The following B3GALT1 variants were observed in gnomAD, a reference collection of about 807,000 sequenced individuals.
The protein encoded by B3GALT1 is beta-1,3-galactosyltransferase 1, also known as UDP-Gal:betaGlcNAc beta 1,3-galactosyltransferase, polypeptide 1.
B3GALT1 carries 10 observed loss-of-function variants against 23.2 expected under a neutral mutation model. The observed-to-expected ratio is 0.43, with a 90% confidence interval of 0.27 to 0.73. The LOEUF is 0.73. B3GALT1 is among the 30% of genes least tolerant of loss of function. The pLI, the probability that B3GALT1 is intolerant of heterozygous loss-of-function variation, is 0.21. For missense variants in B3GALT1, 299 were observed against 405.4 expected (o/e 0.74, Z 2.25); for synonymous variants, 156 against 141.5 (o/e 1.10, Z -0.73).
At chr2:167,575,607 C>T (rs1684367841) in intron 2 of B3GALT1, among the ~76,000 whole-genome samples, 1 of 151,808 alleles carries the variant, frequency 6.6e-6, no homozygotes, top group Non-Finnish European at 1.5e-5. Context: ...TCAGCTCACA[C>T]ATCTCTATCT....
chr2:167,329,585 T>C (rs1257785872), intron 1 of B3GALT1, among the ~76,000 whole-genome samples: 1 of 152,230 alleles, frequency 6.6e-6, no homozygotes, highest in Admixed American at 6.5e-5. Flanking sequence ...ACTATTATTG[T>C]ACTGCAGTCT....
At chr2:167,410,339 A>G (rs1698371098) in intron 1 of B3GALT1, among the ~76,000 whole-genome samples, 1 of 152,050 alleles carries the variant, frequency 6.6e-6, no homozygotes, top group South Asian at 2.1e-4. Flanking sequence ...AAAATACAAA[A>G]AATGAGACAG....
intron 2 of B3GALT1, among the ~76,000 whole-genome samples, chr2:167,544,446 C>A (rs568793031): frequency 6.6e-6 from 1 of 152,018 alleles, no homozygotes; most frequent in Admixed American, 6.6e-5. Flanking sequence ...AGGTGTAGGC[C>A]GCCACGCGTG....
rs1689111488 is a variant in B3GALT1 at position 167,821,742 on chromosome 2, GTA to G, written c.-230+2951_-230+2952del. ...AAGCCACTGCACCCAGCCTAGGAAG[GTA>G]TTTTTTTTATCCTTGACACTGCTCA... is the stretch of plus-strand genomic sequence containing the variant. On this transcript the variant is annotated intron_variant, in intron 4 of 4. Coordinates refer to ENST00000392690, the MANE Select transcript of B3GALT1 (RefSeq NM_020981.4). Among the ~76,000 whole-genome samples, 4 of 140,034 alleles carry G rather than the reference GTA, an allele frequency of 2.9e-5. 1 individual carries two copies. The highest frequency in any genetic ancestry group is 6.2e-5 in the Non-Finnish European group (4 of 64,580). 91.9% of individuals were successfully genotyped at this position (140,034 alleles called of 152,430 possible). A position where few individuals can be genotyped will look rare whatever the true frequency, so the allele number is the denominator to read the frequency against.
At chr2:167,818,005 C>A (rs531517456) in intron 3 of B3GALT1, among the ~76,000 whole-genome samples, 2 of 152,036 alleles carry the variant, frequency 1.3e-5, no homozygotes, top group East Asian at 3.9e-4. Context: ...GTGAATGAAC[C>A]AAATGTCTTT....
At chr2:167,475,044 A>C (rs1699469727) in intron 1 of B3GALT1, among the ~76,000 whole-genome samples, 1 of 152,192 alleles carries the variant, frequency 6.6e-6, no homozygotes, top group Non-Finnish European at 1.5e-5. Flanking sequence ...TGTCATAAGA[A>C]AGTGCAGTAG....
At chr2:167,564,511 A>C (rs7574810) in intron 2 of B3GALT1, among the ~76,000 whole-genome samples, 75,850 of 151,996 alleles carry the variant, frequency 0.5, 21,852 homozygotes, top group East Asian at 0.99. Context: ...CCAAGGCAGG[A>C]CGCCGGGAGG....
At chr2:167,662,728 G>A (rs549972795) in intron 3 of B3GALT1, among the ~76,000 whole-genome samples, 2 of 151,466 alleles carry the variant, frequency 1.3e-5, no homozygotes, top group South Asian at 4.2e-4. Context: ...TGGTCTGTAG[G>A]GCCCCACCTC....
intron 1 of B3GALT1, among the ~76,000 whole-genome samples, chr2:167,345,493 A>T (rs1244098337): frequency 6.6e-6 from 1 of 152,166 alleles, no homozygotes; most frequent in Non-Finnish European, 1.5e-5. Flanking sequence ...TAAATTTGAC[A>T]AAATTAGTTT....
intron 3 of B3GALT1, among the ~76,000 whole-genome samples, chr2:167,737,715 G>A (rs919050506): frequency 1.8e-4 from 28 of 152,206 alleles, no homozygotes; most frequent in African/African-American, 6.5e-4. Context: ...AAGGTTCTTT[G>A]GCAATCTGTG....
At position 167,849,185 on chromosome 2, in the gene B3GALT1, C is replaced by T. The variant is rs1019925486; in HGVS notation, c.-229-19626C>T. ...GCAATCTACAAATTCAATAGAATCC[C>T]CATCAAAATACCACCATCATTCTTC... On this transcript the variant is annotated intron_variant, in intron 4 of 4. Coordinates refer to ENST00000392690, the MANE Select transcript of B3GALT1 (RefSeq NM_020981.4). 5.3e-5 allele frequency among the ~76,000 whole-genome samples: 8 copies of T among 152,050 alleles called. No individual in the cohort carries two copies. In the East Asian group the frequency reaches 1.3e-3, roughly 26 times the overall value.
chr2:167,387,815 C>T (rs967701164), intron 1 of B3GALT1, among the ~76,000 whole-genome samples: 1 of 152,100 alleles, frequency 6.6e-6, no homozygotes. Context: ...CCAGTCCTCC[C>T]ACAAAAGGCT....
chr2:167,741,215 C>T (rs544425034), intron 3 of B3GALT1, among the ~76,000 whole-genome samples: 41 of 152,244 alleles, frequency 2.7e-4, no homozygotes, highest in African/African-American at 8.9e-4. Flanking sequence ...CATTTGATGA[C>T]TTTGTTAGTC....
chr2:167,364,797 T>G (rs968140215), intron 1 of B3GALT1, among the ~76,000 whole-genome samples: 1 of 152,212 alleles, frequency 6.6e-6, no homozygotes, highest in Non-Finnish European at 1.5e-5. Context: ...ACTCATTTCT[T>G]CTTTTTCTTT....
chr2:167,674,383 A>G (rs1281102701), intron 3 of B3GALT1, among the ~76,000 whole-genome samples: 2 of 152,184 alleles, frequency 1.3e-5, no homozygotes, highest in African/African-American at 2.4e-5. Context: ...ACTTCAGAAA[A>G]AAAATGTTTA....
At chr2:167,453,742 A>G (rs974068150) in intron 1 of B3GALT1, among the ~76,000 whole-genome samples, 1 of 152,212 alleles carries the variant, frequency 6.6e-6, no homozygotes, top group South Asian at 2.1e-4. Flanking sequence ...TTTTTCAGGT[A>G]AAGTTTTATT....
At chr2:167,369,036 TG>T (rs1260592229) in intron 1 of B3GALT1, among the ~76,000 whole-genome samples, 1 of 152,014 alleles carries the variant, frequency 6.6e-6, no homozygotes, top group Non-Finnish European at 1.5e-5. Flanking sequence ...AAAATATTTT[TG>T]TATTGGGAAG....
intron 2 of B3GALT1, among the ~76,000 whole-genome samples, chr2:167,639,218 A>G (rs556908461): frequency 1.3e-5 from 2 of 152,170 alleles, no homozygotes; most frequent in African/African-American, 4.8e-5. Flanking sequence ...TCGTTAAGAC[A>G]TAGAAAGTTA....
chr2:167,773,071 AAATG>A (rs1418174896), intron 3 of B3GALT1, among the ~76,000 whole-genome samples: 1 of 152,142 alleles, frequency 6.6e-6, no homozygotes, highest in East Asian at 1.9e-4. Context: ...TTGTGTTGGT[AAATG>A]AATGAATGAA....
Sources: gnomAD v4.1 joint callset for allele counts (sites outside exome capture counted in the v4.1 genomes callset) on GRCh38, gnomAD v4.1.1 for gene constraint, MANE v1.5 for transcripts, NCBI Gene and HGNC (gene_info 2026-07-23, HGNC 2026-07-21) for gene names.